The following ATE1 variants were observed in gnomAD, a reference collection of about 807,000 sequenced individuals.
ATE1 encodes the protein arginyl-tRNA--protein transferase 1.
A neutral mutation model predicts 70.5 loss-of-function variants in ATE1; 36 were observed. That is an observed-to-expected ratio of 0.51 (90% CI 0.39 to 0.67). The LOEUF (loss-of-function observed/expected upper bound fraction) is 0.67, where lower values mean the gene tolerates loss of function less well. ATE1 is among the 30% of genes least tolerant of loss of function. The probability of loss-of-function intolerance (pLI) is 0.00; values close to 1 mark genes in which losing one functional copy is unlikely to be tolerated. For missense variants in ATE1, 593 were observed against 629.5 expected, an observed-to-expected ratio of 0.94 and a Z score of 0.62; for synonymous variants, 232 against 219.3, an observed-to-expected ratio of 1.06 and a Z score of -0.51.
chr10:121,829,051 A>G (rs943934488), intron 10 of ATE1, among the ~76,000 whole-genome samples: 1 of 152,192 alleles, frequency 6.6e-6, no homozygotes, highest in African/African-American at 2.4e-5. Flanking sequence ...CAGAACCCTC[A>G]TCTACACTGC....
intron 7 of ATE1, among the ~76,000 whole-genome samples, chr10:121,888,654 C>T (rs1031419331): frequency 4.0e-5 from 6 of 151,196 alleles, no homozygotes. Context: ...GAAATGTGTC[C>T]GTATGTTTAC....
chr10:121,809,177 CT>C (rs1226176028), intron 10 of ATE1, among the ~76,000 whole-genome samples: 5 of 152,176 alleles, frequency 3.3e-5, no homozygotes, highest in African/African-American at 1.2e-4. Flanking sequence ...TACTTGACAG[CT>C]TGAATTTTAT....
intron 8 of ATE1, among the ~76,000 whole-genome samples, chr10:121,865,874 G>C (rs1425056188): frequency 6.6e-6 from 1 of 152,180 alleles, no homozygotes; most frequent in Non-Finnish European, 1.5e-5. Flanking sequence ...TTAGATTCAT[G>C]TGGCAGTTAA....
intron 7 of ATE1, among the ~76,000 whole-genome samples, chr10:121,871,703 TA>T (rs1949866894): frequency 6.6e-6 from 1 of 151,278 alleles, no homozygotes; most frequent in Non-Finnish European, 1.5e-5. Flanking sequence ...GACAATATAT[TA>T]AAATGTAAAC....
intron 6 of ATE1, among the ~76,000 whole-genome samples, chr10:121,901,168 G>GA (rs1378288323): frequency 6.6e-6 from 1 of 152,032 alleles, no homozygotes; most frequent in Non-Finnish European, 1.5e-5. Context: ...TCAGAAGGCT[G>GA]AGACAGGAGA....
At chr10:121,886,532 A>G (rs1390147983) in intron 7 of ATE1, among the ~76,000 whole-genome samples, 1 of 152,112 alleles carries the variant, frequency 6.6e-6, no homozygotes, top group Non-Finnish European at 1.5e-5. Flanking sequence ...CTGCGCCCTA[A>G]GCTTCCAGAA....
At chr10:121,826,492 G>C (rs1336645742) in intron 10 of ATE1, among the ~76,000 whole-genome samples, 1 of 152,098 alleles carries the variant, frequency 6.6e-6, no homozygotes, top group Non-Finnish European at 1.5e-5. Flanking sequence ...ATTTTTAGTA[G>C]AGACAGGGTT....
intron 11 of ATE1, among the ~76,000 whole-genome samples, chr10:121,767,405 G>T (rs984644546): frequency 3.3e-5 from 5 of 151,912 alleles, no homozygotes; most frequent in African/African-American, 1.2e-4. Context: ...AATAAGGCAA[G>T]AAAAAAACTA....
chr10:121,810,372 G>A (rs1019052916), intron 10 of ATE1, among the ~76,000 whole-genome samples: 2 of 151,930 alleles, frequency 1.3e-5, no homozygotes, highest in Admixed American at 6.6e-5. Flanking sequence ...CCAGGTTCAC[G>A]CCATTCTTCT....
chr10:121,756,068 T>C (rs1054940625), intron 11 of ATE1, among the ~76,000 whole-genome samples: 1 of 152,144 alleles, frequency 6.6e-6, no homozygotes. Context: ...AGTTACTTCC[T>C]AGATACAATG....
chr10:121,848,431 A>G (rs952060002), intron 8 of ATE1, among the ~76,000 whole-genome samples: 10 of 151,968 alleles, frequency 6.6e-5, no homozygotes, highest in Admixed American at 6.6e-4. Context: ...AGCCTAGCCA[A>G]CATGGCAAAA....
At chr10:121,909,518 T>C (rs1470154216) in intron 5 of ATE1, among the ~76,000 whole-genome samples, 1 of 152,108 alleles carries the variant, frequency 6.6e-6, no homozygotes, top group Non-Finnish European at 1.5e-5. Flanking sequence ...CAATATAATT[T>C]TGGAAGGGGG....
At chr10:121,908,752 A>C (rs1447965307) in intron 5 of ATE1, among the ~76,000 whole-genome samples, 1 of 152,206 alleles carries the variant, frequency 6.6e-6, no homozygotes, top group African/African-American at 2.4e-5. Flanking sequence ...TCCTCAAATA[A>C]TTCAAACTCA....
At chr10:121,744,125 G>A (rs1334276533) in intron 11 of ATE1, among the ~76,000 whole-genome samples, 1 of 151,400 alleles carries the variant, frequency 6.6e-6, no homozygotes, top group Non-Finnish European at 1.5e-5. Flanking sequence ...ATTTCACCAT[G>A]TTGGCCAGGC....
At chr10:121,759,584 T>C (rs1326448423) in intron 11 of ATE1, among the ~76,000 whole-genome samples, 1 of 151,754 alleles carries the variant, frequency 6.6e-6, no homozygotes, top group African/African-American at 2.4e-5. Context: ...ATTAGCCAGG[T>C]GTGGTGGCGG....
intron 5 of ATE1, among the ~76,000 whole-genome samples, chr10:121,906,571 T>C (rs1951200552): frequency 7.4e-6 from 1 of 134,252 alleles, no homozygotes; most frequent in Non-Finnish European, 1.7e-5. Flanking sequence ...CAGGTTTGCT[T>C]TTGCAGGTTC....
Position 121,870,030 on chromosome 10 carries a change from T to A in ATE1, c.951A>T (p.Arg317Ser). Residue 317 changes from arginine (R) to serine (S), a missense_variant, in exon 8 of 12, where the codon AGA becomes AGT. By Grantham distance (110) the Arg-to-Ser change is moderately radical. This residue lies in a region of ATE1 where 467 missense variants were observed against 469.6 expected (regional missense o/e 0.99). Transcript: ENST00000224652. The stretch of plus-strand genomic sequence containing the variant: ...CCTCCAAGGGTGAACTGCAAAGGAA[T>A]CTTGTGAACTGCAGTCAAATTTGAA... ...PDTPTESQFTRFLCSSPLEAE... is the reference protein window; with the variant it reads ...PDTPTESQFTSFLCSSPLEAE... The A allele has an allele frequency of 6.2e-7, 1 of 1,610,630 alleles. No individual in the cohort carries two copies. The highest frequency in any genetic ancestry group is 8.5e-7 in the Non-Finnish European group (1 of 1,177,566).
chr10:121,859,263 T>TA (rs1564902855), intron 8 of ATE1, among the ~76,000 whole-genome samples: 74 of 146,474 alleles, frequency 5.1e-4, no homozygotes, highest in Middle Eastern at 3.7e-3. Flanking sequence ...TTATTTTATT[T>TA]TTTTTTTTTT....
intron 11 of ATE1, 151 bp from the exon 12 acceptor site, chr10:121,744,009 A>G: frequency 2.4e-6 from 2 of 824,826 alleles, no homozygotes; most frequent in Non-Finnish European, 3.5e-6. Flanking sequence ...TGCAACATCC[A>G]CCTCTCAAGT....
Sources: gnomAD v4.1 joint callset for allele counts (sites outside exome capture counted in the v4.1 genomes callset) on GRCh38, gnomAD v4.1.1 for gene constraint, gnomAD v4.1.1 regional missense constraint, MANE v1.5 for transcripts, NCBI Gene and HGNC (gene_info 2026-07-23, HGNC 2026-07-21) for gene names.